DUSP4: variants seen among roughly 807,000 people sequenced by gnomAD.
The protein encoded by DUSP4 is dual specificity protein phosphatase 4.
A neutral mutation model predicts 27.2 loss-of-function variants in DUSP4; 12 were observed. That is an observed-to-expected ratio of 0.44 (90% CI 0.28 to 0.71). The LOEUF is 0.71. DUSP4 is among the 30% of genes least tolerant of loss of function. DUSP4 has a pLI of 0.14. For missense variants in DUSP4, 448 were observed against 551.3 expected, an observed-to-expected ratio of 0.81 and a Z score of 1.88; for synonymous variants, 257 against 245.2, an observed-to-expected ratio of 1.05 and a Z score of -0.45.
intron 1 of DUSP4, 43 bp from the exon 2 acceptor site, chr8:29,340,286 C>T: frequency 6.4e-7 from 1 of 1,551,052 alleles, no homozygotes; most frequent in Non-Finnish European, 8.7e-7. Flanking sequence ...GTCACTAAGC[C>T]AGCAGGAAGT....
chr8:29,341,623 T>C (rs768375661), intron 1 of DUSP4, among the ~76,000 whole-genome samples: 1 of 152,202 alleles, frequency 6.6e-6, no homozygotes, highest in Non-Finnish European at 1.5e-5. Flanking sequence ...AACCTGCTGG[T>C]GGGGCTGGTA....
In DUSP4 at chr8:29,340,092, G is replaced by A. The variant is rs1303035412; in HGVS notation, c.579+6C>T. 1.3e-6 allele frequency: 2 copies of A among 1,561,496 alleles called. No homozygotes were observed. The highest frequency in any genetic ancestry group is 3.9e-5 in the Admixed American group (2 of 51,892). On this transcript the variant is annotated splice_donor_region_variant and intron_variant, in intron 2 of 3. Coordinates refer to ENST00000240100, the MANE Select transcript of DUSP4 (RefSeq NM_001394.7). Reference sequence around the variant, plus strand: ...CCCACTTCCAAGCCCTGCCCCCCGAGTCTACCTGGTCGTGTAGTGGGGTCC... The same window carrying A: ...CCCACTTCCAAGCCCTGCCCCCCGAATCTACCTGGTCGTGTAGTGGGGTCC...
In DUSP4 at chr8:29,335,597, G is replaced by A. The variant is rs934260612; in HGVS notation, c.*1429C>T. 3.3e-5 allele frequency: 5 copies of A among 152,150 alleles called. No homozygotes were observed. The highest frequency in any genetic ancestry group is 1.2e-4 in the African/African-American group (5 of 41,416). The allele number at this position is 152,150 out of a possible 1,614,324, so 9.4% of individuals were successfully genotyped here. ...AGGAATTTAAAGAACACAAGAAATT[G>A]TTGGTATATTTCACTTCAGGTAACT... On this transcript the variant is annotated 3_prime_UTR_variant, in exon 4 of 4. Transcript: ENST00000240100.
chr8:29,338,247 T>G (rs1198701767), intron 3 of DUSP4, 35 bp downstream of exon 3: 45 of 1,304,152 alleles, frequency 3.5e-5, no homozygotes, highest in African/African-American at 5.9e-5. Flanking sequence ...CCACCCGCCC[T>G]CAAACCCAGG....
In DUSP4 at chr8:29,336,961, C is replaced by T. The variant is rs562405043; in HGVS notation, c.*65G>A. On this transcript the variant is annotated 3_prime_UTR_variant, in exon 4 of 4. Transcript: ENST00000240100. The stretch of plus-strand genomic sequence containing the variant: ...CCAGCTGCTCAGTCCCAACTTTCTG[C>T]CCGCATGCGGCCCGTCCTACCCTTG... 4 of 1,461,454 alleles carry T rather than the reference C, an allele frequency of 2.7e-6. No homozygotes were observed. The highest frequency in any genetic ancestry group is 2.8e-5 in the African/African-American group (2 of 70,366). 90.5% of individuals were successfully genotyped at this position (1,461,454 alleles called of 1,614,324 possible).
chr8:29,350,495 C>T lies in DUSP4; in HGVS notation c.-217G>A, dbSNP rs1817807723. The T allele has an allele frequency of 1.7e-6, 1 of 576,496 alleles. No homozygotes were observed. The highest frequency in any genetic ancestry group is 3.6e-5 in the Admixed American group (1 of 28,016). 35.7% of individuals were successfully genotyped at this position (576,496 alleles called of 1,614,324 possible). On this transcript the variant is annotated 5_prime_UTR_variant, in exon 1 of 4. Coordinates refer to ENST00000240100, the MANE Select transcript of DUSP4 (RefSeq NM_001394.7). ...TAGCAGTCGGAGCGGCCTCGGGCGCCCAGCCGGGCGGCGCGCAGAGCGGAG... is the reference window on the plus strand; with the variant it reads ...TAGCAGTCGGAGCGGCCTCGGGCGCTCAGCCGGGCGGCGCGCAGAGCGGAG...
At chr8:29,344,654 A>G (rs900861167) in intron 1 of DUSP4, among the ~76,000 whole-genome samples, 4 of 152,132 alleles carry the variant, frequency 2.6e-5, no homozygotes, top group African/African-American at 9.7e-5. Context: ...GTTTAGTGGA[A>G]ATGAGGACCC....
At chr8:29,342,283 C>A (rs1354397601) in intron 1 of DUSP4, among the ~76,000 whole-genome samples, 1 of 152,198 alleles carries the variant, frequency 6.6e-6, no homozygotes, top group Non-Finnish European at 1.5e-5. Flanking sequence ...CCACCCTGAG[C>A]ATGTATCACC....
chr8:29,338,188 C>T (rs1418611521), intron 3 of DUSP4, 94 bp downstream of exon 3: 4 of 1,269,546 alleles, frequency 3.2e-6, no homozygotes, highest in East Asian at 2.3e-5. Context: ...GGATTCAGTG[C>T]CTCCAATGTC....
chr8:29,340,269 T>C (rs925333923), intron 1 of DUSP4, 26 bp from the exon 2 acceptor site: 4 of 1,580,436 alleles, frequency 2.5e-6, no homozygotes, highest in African/African-American at 2.7e-5. Context: ...AAGCTCAGGT[T>C]AATGGGGTCA....
Position 29,350,323 on chromosome 8 carries a change from G to A in DUSP4, c.-45C>T. 6.5e-7 allele frequency: 1 copy of A among 1,531,412 alleles called. No individual in the cohort carries two copies. The highest frequency in any genetic ancestry group is 8.7e-7 in the Non-Finnish European group (1 of 1,142,998). The allele number at this position is 1,531,412 out of a possible 1,614,324, so 94.9% of individuals were successfully genotyped here. A position where few individuals can be genotyped will look rare whatever the true frequency, so the allele number is the denominator to read the frequency against. On this transcript the variant is annotated 5_prime_UTR_variant, in exon 1 of 4. Transcript: ENST00000240100. ...GGCTGGGCGCGCGAGGAAGAGAAGAGAACCCGGGCCGCCTAGGCTGCAGAA... is the reference window on the plus strand; with the variant it reads ...GGCTGGGCGCGCGAGGAAGAGAAGAAAACCCGGGCCGCCTAGGCTGCAGAA...
In DUSP4 at chr8:29,349,050, C is replaced by A. The variant is rs539001866; in HGVS notation, c.433+796G>T. On this transcript the variant is annotated intron_variant, in intron 1 of 3. Transcript: ENST00000240100. Reference sequence around the variant, plus strand: ...ACCAAATGTGACAAGACAGTCTCGCCGCCGAGAGTTTCGCCAGGGCTCGCT... The same window carrying A: ...ACCAAATGTGACAAGACAGTCTCGCAGCCGAGAGTTTCGCCAGGGCTCGCT... 4.5e-4 allele frequency among the ~76,000 whole-genome samples: 69 copies of A among 152,368 alleles called. 1 individual carries two copies. The South Asian group carries it at 4.8e-3, about 11-fold the overall frequency.
chr8:29,348,482 A>G (rs1817769593), intron 1 of DUSP4: 2 of 985,502 alleles, frequency 2.0e-6, no homozygotes, highest in African/African-American at 1.7e-5. Flanking sequence ...GGAAAAAGAA[A>G]GAAAAATCAG....
In DUSP4 at chr8:29,350,173, T is replaced by G; in HGVS notation, c.106A>C (p.Thr36Pro). Residue 36 changes from threonine to proline, a missense_variant, in exon 1 of 4, where the codon ACC becomes CCC. Physicochemically the swap from Thr to Pro is conservative, Grantham distance 38. Transcript: ENST00000240100. ...GGAGGSGSHG[T>P]LGLPSGGKCL... ...TTGCCGCCGCTCGGCAGCCCCAGGG[T>G]GCCGTGGCTGCCGCTGCCGCCCGCG... The G allele has an allele frequency of 6.2e-7, 1 of 1,607,198 alleles. No individual in the cohort carries two copies. The highest frequency in any genetic ancestry group is 2.2e-5 in the East Asian group (1 of 44,776).
Position 29,337,400 on chromosome 8 carries a change from C to A in DUSP4, c.811G>T (p.Asp271Tyr). ...EAIEYIDAVKDCRGRVLVHCQ... is the reference protein window; with the variant it reads ...EAIEYIDAVKYCRGRVLVHCQ... Reference sequence around the variant, plus strand: ...TGCACCAGCACGCGCCCACGGCAGTCCTTCACGGCATCTGGGGACAGGGTT... The same window carrying A: ...TGCACCAGCACGCGCCCACGGCAGTACTTCACGGCATCTGGGGACAGGGTT... The change falls in exon 4 of 4, where the codon GAC (aspartate) becomes TAC (tyrosine). Residue 271 changes from aspartate (D) to tyrosine (Y), a missense_variant. Coordinates refer to ENST00000240100, the MANE Select transcript of DUSP4 (RefSeq NM_001394.7). The surrounding 1 kb of genome is among the most constrained non-coding windows in gnomAD (Gnocchi z 6.4). The A allele has an allele frequency of 6.2e-7, 1 of 1,604,646 alleles. No homozygotes were observed. Among genetic ancestry groups the A allele is most frequent in the Non-Finnish European group, 8.5e-7 (1 of 1,178,010 alleles).
rs1817596351 is a variant in DUSP4 at position 29,337,474 on chromosome 8, C to T, written c.800-63G>A. 1 of 1,517,146 alleles carries T rather than the reference C, an allele frequency of 6.6e-7. No homozygotes were observed. The allele number at this position is 1,517,146 out of a possible 1,614,324, so 94.0% of individuals were successfully genotyped here. On this transcript the variant is annotated intron_variant, in intron 3 of 3. Transcript: ENST00000240100. This position sits in a 1 kb window ranked among gnomAD's most constrained non-coding sequence, Gnocchi z 6.4. ...CAGACCCCAGCCCCGACCAGGGGCACCGGCCAGCCCCTGGGGTCGGGGGGC... is the reference window on the plus strand; with the variant it reads ...CAGACCCCAGCCCCGACCAGGGGCATCGGCCAGCCCCTGGGGTCGGGGGGC...
rs756839835 is a variant in DUSP4 at position 29,340,162 on chromosome 8, G to A, written c.515C>T (p.Pro172Leu). The change falls in exon 2 of 4, where the codon CCC becomes CTC. Residue 172 changes from proline (P) to leucine (L), a missense_variant. Physicochemically the swap from Pro to Leu is moderately conservative, Grantham distance 98. This residue lies in a region of DUSP4 where 345 missense variants were observed against 394.0 expected (regional missense o/e 0.88). Transcript: ENST00000240100. Reference sequence around the variant, plus strand: ...GTCCAAGGGCTCTGTGGCACTGGGGGGAACCGGGGGTGGGATGGCTGCCAG... The same window carrying A: ...GTCCAAGGGCTCTGTGGCACTGGGGAGAACCGGGGGTGGGATGGCTGCCAG... ...KALAAIPPPVPPSATEPLDLG... is the reference protein window; with the variant it reads ...KALAAIPPPVLPSATEPLDLG... The A allele has an allele frequency of 6.2e-7, 1 of 1,611,336 alleles. No individual in the cohort carries two copies. The highest frequency in any genetic ancestry group is 1.1e-5 in the South Asian group (1 of 90,386).
In DUSP4 at chr8:29,350,195, C is replaced by T. The variant is rs1341221113; in HGVS notation, c.84G>A (p.Ala28=). 1 of 1,607,840 alleles carries T rather than the reference C, an allele frequency of 6.2e-7. No individual in the cohort carries two copies. ...LMNRDENGGG[A]GGSGSHGTLG... ...GGGTGCCGTGGCTGCCGCTGCCGCC[C>T]GCGCCGCCGCCATTCTCGTCCCGGT... Residue 28 remains alanine (A), a synonymous_variant, in exon 1 of 4, where the codon GCG becomes GCA. Coordinates refer to ENST00000240100, the MANE Select transcript of DUSP4 (RefSeq NM_001394.7).
intron 3 of DUSP4, 52 bp downstream of exon 3, chr8:29,338,230 A>T: frequency 6.3e-7 from 1 of 1,580,658 alleles, no homozygotes; most frequent in South Asian, 1.1e-5. Flanking sequence ...GGGGTTCCTT[A>T]TCCTTCCCAC....
Sources: allele counts gnomAD v4.1 joint callset (sites outside exome capture counted in the v4.1 genomes callset), GRCh38; gene constraint gnomAD v4.1.1; regional missense constraint gnomAD v4.1.1; non-coding constraint Gnocchi (gnomAD v3.1); transcripts MANE v1.5; gene names NCBI Gene and HGNC (gene_info 2026-07-23, HGNC 2026-07-21).